The following HMGB1 variants were observed in gnomAD, a reference collection of about 807,000 sequenced individuals.
HMGB1 encodes the protein high mobility group protein B1.
For synonymous variants in HMGB1, 81 were observed against 84.0 expected, an observed-to-expected ratio of 0.96 and a Z score of 0.19; for missense variants, 79 against 253.5, an observed-to-expected ratio of 0.31 and a Z score of 4.67.
At chr13:30,615,885 C>T (rs1252180961) in intron 1 of HMGB1, among the ~76,000 whole-genome samples, 1 of 152,166 alleles carries the variant, frequency 6.6e-6, no homozygotes, top group East Asian at 1.9e-4. Context: ...AAGCTTCCTC[C>T]CTTTAAATCA....
chr13:30,610,271 A>C (rs775777156), intron 1 of HMGB1, among the ~76,000 whole-genome samples: 3 of 152,204 alleles, frequency 2.0e-5, no homozygotes, highest in Non-Finnish European at 4.4e-5. Context: ...GTGGTCCCTA[A>C]CCCCTGTGTT....
intron 1 of HMGB1, among the ~76,000 whole-genome samples, chr13:30,597,547 G>C (rs1235904248): frequency 7.2e-5 from 11 of 152,178 alleles, no homozygotes; most frequent in Non-Finnish European, 1.5e-4. Context: ...TCTAAAATAG[G>C]ATAATCCTAT....
intron 1 of HMGB1, among the ~76,000 whole-genome samples, chr13:30,528,883 GC>G (rs1888432123): frequency 6.6e-6 from 1 of 152,004 alleles, no homozygotes; most frequent in African/African-American, 2.4e-5. Context: ...AAAAAAATTA[GC>G]CAGGCGTGGT....
At chr13:30,592,463 T>G (rs1483113348) in intron 1 of HMGB1, among the ~76,000 whole-genome samples, 1 of 152,220 alleles carries the variant, frequency 6.6e-6, no homozygotes, top group African/African-American at 2.4e-5. Flanking sequence ...TCCCCTATGT[T>G]ATGTTTGGAA....
intron 1 of HMGB1, among the ~76,000 whole-genome samples, chr13:30,586,524 G>C (rs1159548372): frequency 9.4e-6 from 1 of 106,018 alleles, no homozygotes; most frequent in Admixed American, 1.5e-4. Flanking sequence ...GTTTCGCTCT[G>C]TTGCCCAGGC....
intron 1 of HMGB1, among the ~76,000 whole-genome samples, chr13:30,608,967 G>T (rs955688071): frequency 6.6e-6 from 1 of 152,152 alleles, no homozygotes; most frequent in Non-Finnish European, 1.5e-5. Flanking sequence ...TAAAAAACAC[G>T]ATTAATAGGT....
At chr13:30,588,322 A>G (rs139790068) in intron 1 of HMGB1, among the ~76,000 whole-genome samples, 155 of 152,324 alleles carry the variant, frequency 1.0e-3, no homozygotes, top group African/African-American at 3.5e-3. Context: ...AAATTAAAAT[A>G]ATCAGGAAAA....
intron 1 of HMGB1, among the ~76,000 whole-genome samples, chr13:30,613,616 C>T (rs1220553355): frequency 6.6e-6 from 1 of 152,158 alleles, no homozygotes; most frequent in Non-Finnish European, 1.5e-5. Context: ...AATCTACTTG[C>T]TTCATATATA....
At chr13:30,532,888 C>T (rs545297212) in intron 1 of HMGB1, among the ~76,000 whole-genome samples, 1 of 152,284 alleles carries the variant, frequency 6.6e-6, no homozygotes, top group Admixed American at 6.5e-5. Flanking sequence ...ATGAGTACTT[C>T]CACAGATGAG....
chr13:30,519,120 C>T (rs1394857304), intron 1 of HMGB1, among the ~76,000 whole-genome samples: 6 of 151,648 alleles, frequency 4.0e-5, no homozygotes, highest in South Asian at 2.1e-4. Context: ...AGGCTGGATG[C>T]GGTGGCTCAT....
intron 1 of HMGB1, among the ~76,000 whole-genome samples, chr13:30,591,671 G>A (rs1287019955): frequency 6.6e-6 from 1 of 151,864 alleles, no homozygotes; most frequent in Non-Finnish European, 1.5e-5. Context: ...CACTACATCT[G>A]GCTAATTTTT....
At chr13:30,499,071 G>A (rs1887679406) in intron 1 of HMGB1, among the ~76,000 whole-genome samples, 1 of 151,802 alleles carries the variant, frequency 6.6e-6, no homozygotes. Context: ...TCCTGCCTTA[G>A]TCTCCTAAGT....
At chr13:30,616,933 C>G (rs1366932639) in exon 1 of HMGB1, 3 of 152,146 alleles carry the variant, frequency 2.0e-5, no homozygotes, top group African/African-American at 7.2e-5. Context: ...AATTGTTATC[C>G]TAGGACACAG....
At chr13:30,502,564 C>T (rs918686145) in intron 1 of HMGB1, among the ~76,000 whole-genome samples, 5 of 152,034 alleles carry the variant, frequency 3.3e-5, no homozygotes, top group Non-Finnish European at 5.9e-5. Flanking sequence ...AATTCACTTG[C>T]GTAACATGTA....
rs532230981 is a variant in HMGB1, at chr13:30,459,797, T to C, written c.*1560A>G. 3.8e-4 allele frequency: 58 copies of C among 152,446 alleles called. No homozygotes were observed. The highest frequency in any genetic ancestry group is 1.3e-3 in the African/African-American group (55 of 41,564). 9.4% of individuals were successfully genotyped at this position (152,446 alleles called of 1,614,324 possible). On this transcript the variant is annotated 3_prime_UTR_variant, in exon 5 of 5. Transcript: ENST00000341423. Reference sequence around the variant, plus strand: ...AAGAGGTATTATTAGAAACAAGATTTAAAAATATGTAACAAAATCTTAAGT... The same window carrying C: ...AAGAGGTATTATTAGAAACAAGATTCAAAAATATGTAACAAAATCTTAAGT...
intron 1 of HMGB1, among the ~76,000 whole-genome samples, chr13:30,538,529 T>C (rs1868607070): frequency 7.2e-6 from 1 of 139,110 alleles, no homozygotes; most frequent in African/African-American, 3.1e-5. Flanking sequence ...CTTTCCTTTC[T>C]TTCTTTCCTT....
chr13:30,538,565 TCTTTTTCTTTCTTTC>T (rs1868626902), intron 1 of HMGB1, among the ~76,000 whole-genome samples: 1 of 105,666 alleles, frequency 9.5e-6, no homozygotes, highest in Admixed American at 8.7e-5. Context: ...TTTTCTTTCT[TCTTTTTCTTTCTTTC>T]TTTCTTTTTC....
At chr13:30,531,509 C>CGTGTGTGTGTGTGTGTGTGTGTGT in intron 1 of HMGB1, among the ~76,000 whole-genome samples, 1 of 135,666 alleles carries the variant, frequency 7.4e-6, no homozygotes, top group African/African-American at 2.8e-5. Flanking sequence ...GTAACATATA[C>CGTGTGTGTGTGTGTGTGTGTGTGT]GTGTGTGTGT....
At chr13:30,548,863 T>C (rs1397090482) in intron 1 of HMGB1, among the ~76,000 whole-genome samples, 6 of 152,210 alleles carry the variant, frequency 3.9e-5, no homozygotes, top group Non-Finnish European at 8.8e-5. Context: ...GTGCTGGTCT[T>C]GGACAGTAAA....
Sources: allele counts gnomAD v4.1 joint callset (sites outside exome capture counted in the v4.1 genomes callset), GRCh38; gene constraint gnomAD v4.1.1; transcripts MANE v1.5; gene names NCBI Gene and HGNC (gene_info 2026-07-23, HGNC 2026-07-21).